Variants in PACC1 observed in about 807,000 individuals in gnomAD.
The protein encoded by PACC1 is proton-activated chloride channel.
In PACC1, 34 loss-of-function variants were observed where a neutral mutation model predicts 39.7. The ratio of observed to expected loss-of-function variants is 0.86; its 90% CI spans 0.65 to 1.14. The LOEUF (loss-of-function observed/expected upper bound fraction) is 1.14. Among genes scored for constraint, PACC1 ranks in the 50% most tolerant of loss-of-function variants. The pLI, the probability that PACC1 is intolerant of heterozygous loss-of-function variation, is 0.00. For missense variants in PACC1, 379 were observed against 436.4 expected, an observed-to-expected ratio of 0.87 and a Z score of 1.17; for synonymous variants, 127 against 160.6, an observed-to-expected ratio of 0.79 and a Z score of 1.58.
chr1:212,379,146 T>C (rs548106768), intron 5 of PACC1, among the ~76,000 whole-genome samples: 1 of 152,212 alleles, frequency 6.6e-6, no homozygotes, highest in Non-Finnish European at 1.5e-5. Context: ...GGTTTCACCA[T>C]GTTAGCCAGG....
At chr1:212,373,369 A>C (rs1660529745) in intron 7 of PACC1, among the ~76,000 whole-genome samples, 1 of 152,196 alleles carries the variant, frequency 6.6e-6, no homozygotes, top group South Asian at 2.1e-4. Context: ...AATAGACTCA[A>C]ATCTAAGACT....
chr1:212,404,117 A>T (rs983787301), intron 2 of PACC1, among the ~76,000 whole-genome samples: 1 of 148,948 alleles, frequency 6.7e-6, no homozygotes, highest in Non-Finnish European at 1.5e-5. Flanking sequence ...TTATTTATTT[A>T]TTTTTTTGAG....
chr1:212,394,386 GC>G (rs755558479), intron 2 of PACC1, among the ~76,000 whole-genome samples: 2 of 152,208 alleles, frequency 1.3e-5, no homozygotes, highest in East Asian at 3.9e-4. Flanking sequence ...AAATTCAACA[GC>G]CCTTCATGCT....
chr1:212,384,008 C>CT lies in PACC1; in HGVS notation c.495+1265dup, dbSNP rs374010568. ...AGTCCAGTAATGACTACCCTGCTCT[C>CT]TAACGGTGCTGATTCCAAGCTGGGG... On this transcript the variant is annotated intron_variant, in intron 4 of 7. Coordinates refer to ENST00000261455, the MANE Select transcript of PACC1 (RefSeq NM_018252.3). 2.8e-3 allele frequency among the ~76,000 whole-genome samples: 421 copies of CT among 152,290 alleles called. 4 individuals are homozygous for CT. Among genetic ancestry groups the CT allele is most frequent in the African/African-American group, 9.7e-3 (401 of 41,542 alleles).
chr1:212,414,811 G>C lies in PACC1; in HGVS notation c.-54C>G. ...AGACCGCCCCAGCCCGCGGCGCACGGACGCAGCACTGCGGCCGCTGCACCT... is the reference window on the plus strand; with the variant it reads ...AGACCGCCCCAGCCCGCGGCGCACGCACGCAGCACTGCGGCCGCTGCACCT... On this transcript the variant is annotated 5_prime_UTR_variant, in exon 1 of 8. Transcript: ENST00000261455. The C allele has an allele frequency of 1.2e-6, 2 of 1,604,574 alleles. No individual in the cohort carries two copies. The highest frequency in any genetic ancestry group is 1.7e-6 in the Non-Finnish European group (2 of 1,172,622).
At chr1:212,379,855 A>G in intron 5 of PACC1, 40 bp downstream of exon 5, 1 of 1,612,132 alleles carries the variant, frequency 6.2e-7, no homozygotes, top group Non-Finnish European at 8.5e-7. Flanking sequence ...AATAAGATAA[A>G]AAGTAGACAG....
At position 212,386,147 on chromosome 1, in the gene PACC1, C is replaced by T. The variant is rs1344774042; in HGVS notation, c.344-722G>A. 1.3e-5 allele frequency among the ~76,000 whole-genome samples: 2 copies of T among 152,148 alleles called. No individual in the cohort carries two copies. The highest frequency in any genetic ancestry group is 2.9e-5 in the Non-Finnish European group (2 of 68,026). On this transcript the variant is annotated intron_variant, in intron 3 of 7. Coordinates refer to ENST00000261455, the MANE Select transcript of PACC1 (RefSeq NM_018252.3). This position sits in a 1 kb window ranked among gnomAD's most constrained non-coding sequence, Gnocchi z 5.0. ...CAGGAAGCCCCAGAGAGAGGGCACC[C>T]GGACTCTGGCTCTGCCATGTGAGCA... is the stretch of plus-strand genomic sequence containing the variant.
At position 212,377,769 on chromosome 1, in the gene PACC1, C is replaced by G; in HGVS notation, c.639-63G>C. 2.5e-6 allele frequency: 4 copies of G among 1,578,982 alleles called. No homozygotes were observed. In the South Asian group the frequency reaches 4.6e-5, roughly 18 times the overall value. On this transcript the variant is annotated intron_variant, in intron 5 of 7. Transcript: ENST00000261455. ...GCAGGTCTGGCAGCAGGAGTCGAAGCCCCCACTGCAAGCTGGTTTCTTTGC... is the reference window on the plus strand; with the variant it reads ...GCAGGTCTGGCAGCAGGAGTCGAAGGCCCCACTGCAAGCTGGTTTCTTTGC...
Position 212,380,801 on chromosome 1 carries a change from A to G in PACC1, c.496-764T>C, listed in dbSNP as rs1454892170. Among the ~76,000 whole-genome samples, 4 of 152,278 alleles carry G rather than the reference A, an allele frequency of 2.6e-5. No individual in the cohort carries two copies. The East Asian group carries it at 7.7e-4, about 29-fold the overall frequency. ...TGAGATCTGGGAAGGTGCTCTCCCT[A>G]CTACTCTTCCCCATCCCCAAACTTG... On this transcript the variant is annotated intron_variant, in intron 4 of 7. Coordinates refer to ENST00000261455, the MANE Select transcript of PACC1 (RefSeq NM_018252.3).
In PACC1 at chr1:212,364,027, G is replaced by A. The variant is rs1046689426; in HGVS notation, c.*1188C>T. The A allele has an allele frequency of 1.6e-4, 25 of 152,086 alleles. No individual in the cohort carries two copies. Among genetic ancestry groups the A allele is most frequent in the African/African-American group, 5.1e-4 (21 of 41,404 alleles). The allele number at this position is 152,086 out of a possible 1,614,324, so 9.4% of individuals were successfully genotyped here. On this transcript the variant is annotated 3_prime_UTR_variant, in exon 8 of 8. Coordinates refer to ENST00000261455, the MANE Select transcript of PACC1 (RefSeq NM_018252.3). ...TTTGAGTTATTCCCTTTGGATTATC[G>A]GAAGCCAGATTACAAAATTTAGGAA... is the stretch of plus-strand genomic sequence containing the variant.
chr1:212,408,881 C>G (rs563726402), intron 2 of PACC1, among the ~76,000 whole-genome samples: 14 of 152,264 alleles, frequency 9.2e-5, no homozygotes, highest in African/African-American at 3.4e-4. Flanking sequence ...GAACAGGGGT[C>G]CCCAACCCCC....
intron 2 of PACC1, among the ~76,000 whole-genome samples, chr1:212,392,491 T>C (rs1020616330): frequency 2.0e-5 from 3 of 152,138 alleles, no homozygotes; most frequent in South Asian, 2.1e-4. Flanking sequence ...AAAAACATGC[T>C]AAATTGTAAA....
At chr1:212,411,507 G>A (rs1005671119) in intron 1 of PACC1, among the ~76,000 whole-genome samples, 1 of 152,152 alleles carries the variant, frequency 6.6e-6, no homozygotes, top group African/African-American at 2.4e-5. Context: ...TTATACCACT[G>A]AGAAGGGAAG....
At chr1:212,385,572 G>A (rs976327774) in intron 3 of PACC1, 147 bp from the exon 4 acceptor site, 9 of 835,976 alleles carry the variant, frequency 1.1e-5, no homozygotes, top group African/African-American at 5.1e-5. Context: ...AGAGGGTGAG[G>A]AGCCACATCC....
intron 4 of PACC1, among the ~76,000 whole-genome samples, chr1:212,381,672 GCACAGACACACACACACACACTGCA>G (rs780156363): frequency 0.16 from 22,442 of 140,082 alleles, 2,052 homozygotes; most frequent in South Asian, 0.28. Context: ...CTGGGCATGT[GCACAGACACACACACACACACTGCA>G]CACACACACA....
chr1:212,381,685 C>CACT (rs1204489115), intron 4 of PACC1, among the ~76,000 whole-genome samples: 4 of 97,126 alleles, frequency 4.1e-5, no homozygotes, highest in Non-Finnish European at 1.0e-4. Context: ...CAGACACACA[C>CACT]ACACACACTG....
chr1:212,413,323 T>C lies in PACC1; in HGVS notation c.36+1399A>G, dbSNP rs1438084570. Among the ~76,000 whole-genome samples, 3 of 152,370 alleles carry C rather than the reference T, an allele frequency of 2.0e-5. No homozygotes were observed. In the East Asian group the frequency reaches 5.8e-4, roughly 29 times the overall value. On this transcript the variant is annotated intron_variant, in intron 1 of 7. Coordinates refer to ENST00000261455, the MANE Select transcript of PACC1 (RefSeq NM_018252.3). Reference sequence around the variant, plus strand: ...TTCAAGTTGGCTTCTCCCTCCACTGTAGGGCTAAGCCACCTGCTTTATATA... The same window carrying C: ...TTCAAGTTGGCTTCTCCCTCCACTGCAGGGCTAAGCCACCTGCTTTATATA...
intron 7 of PACC1, among the ~76,000 whole-genome samples, chr1:212,372,546 A>T (rs1660499784): frequency 6.6e-6 from 1 of 152,198 alleles, no homozygotes; most frequent in African/African-American, 2.4e-5. Context: ...ATTGAAAAGA[A>T]GTCAAACTGT....
intron 2 of PACC1, chr1:212,387,483 A>G: frequency 4.5e-6 from 1 of 221,580 alleles, no homozygotes; most frequent in Non-Finnish European, 9.0e-6. Context: ...AGCTGGCCCC[A>G]ACCTACCTCT....
Sources: allele counts gnomAD v4.1 joint callset (sites outside exome capture counted in the v4.1 genomes callset), GRCh38; gene constraint gnomAD v4.1.1; non-coding constraint Gnocchi (gnomAD v3.1); transcripts MANE v1.5; gene names NCBI Gene and HGNC (gene_info 2026-07-23, HGNC 2026-07-21).